The following KCNAB3 variants were observed in gnomAD, a reference collection of about 807,000 sequenced individuals.
KCNAB3 encodes the protein voltage-gated potassium channel subunit beta-3.
In KCNAB3, 62 loss-of-function variants were observed where a neutral mutation model predicts 67.7. The observed-to-expected ratio is 0.92, with a 90% CI of 0.75 to 1.13. The LOEUF is 1.13. KCNAB3 is among the 50% of genes most tolerant of loss of function. The probability of loss-of-function intolerance (pLI) is 0.00; values close to 1 mark genes in which losing one functional copy is unlikely to be tolerated. For synonymous variants in KCNAB3, 212 were observed against 205.4 expected, an observed-to-expected ratio of 1.03 and a Z score of -0.27; for missense variants, 514 against 522.9, an observed-to-expected ratio of 0.98 and a Z score of 0.17.
At chr17:7,923,249 T>C in intron 13 of KCNAB3, 70 bp from the exon 14 acceptor site, 1 of 1,486,204 alleles carries the variant, frequency 6.7e-7, no homozygotes, top group Admixed American at 1.7e-5. Flanking sequence ...GGGGTTCCAG[T>C]AGCCGGGGAA....
At chr17:7,924,640 CT>C (rs1374428625) in intron 8 of KCNAB3, 140 bp from the exon 9 acceptor site, 2 of 1,401,596 alleles carry the variant, frequency 1.4e-6, no homozygotes, top group African/African-American at 2.9e-5. Flanking sequence ...CTTTGCCTCT[CT>C]TCCTGTCCAC....
rs1176225721 is a variant in KCNAB3, at chr17:7,929,795, T to G, written c.-360A>C. ...AAGCGGGGCGGGAGAGAGATGCCAC[T>G]TCAGCGCGAACCGCTGCGGGACCCG... On this transcript the variant is annotated 5_prime_UTR_variant, in exon 1 of 14. Transcript: ENST00000303790. This position sits in a 1 kb window ranked among gnomAD's most constrained non-coding sequence, Gnocchi z 5.7. 2.7e-6 allele frequency: 3 copies of G among 1,127,578 alleles called. No individual in the cohort carries two copies. Among genetic ancestry groups the G allele is most frequent in the Non-Finnish European group, 2.2e-6 (2 of 915,568 alleles). 69.8% of individuals were successfully genotyped at this position (1,127,578 alleles called of 1,614,324 possible). A position where few individuals can be genotyped will look rare whatever the true frequency, so the allele number is the denominator to read the frequency against.
Position 7,925,985 on chromosome 17 carries a change from T to C in KCNAB3, c.450-10A>G, listed in dbSNP as rs758177311. On this transcript the variant is annotated splice_polypyrimidine_tract_variant and intron_variant, in intron 5 of 13. Coordinates refer to ENST00000303790, the MANE Select transcript of KCNAB3 (RefSeq NM_004732.4). ...GACATAGCTTGATCTCCTGGAAGAA[T>C]AGAAATGGGAGAACCAGTAAGAAAA... The C allele has an allele frequency of 1.2e-5, 20 of 1,613,294 alleles. No individual in the cohort carries two copies. Among genetic ancestry groups the C allele is most frequent in the East Asian group, 4.5e-5 (2 of 44,846 alleles).
intron 1 of KCNAB3, chr17:7,928,074 C>T (rs1972295648): frequency 3.4e-6 from 2 of 595,558 alleles, no homozygotes; most frequent in African/African-American, 3.7e-5. Flanking sequence ...TCTCCATTCC[C>T]TCTTATCACA....
intron 8 of KCNAB3, 82 bp downstream of exon 8, chr17:7,925,015 G>C: frequency 1.5e-6 from 2 of 1,311,674 alleles, no homozygotes; most frequent in Non-Finnish European, 2.2e-6. Context: ...CAACGTCCTG[G>C]GATTACAGGA....
At chr17:7,928,792 C>T (rs1972323647) in intron 1 of KCNAB3, among the ~76,000 whole-genome samples, 1 of 152,196 alleles carries the variant, frequency 6.6e-6, no homozygotes, top group African/African-American at 2.4e-5. Context: ...GTATCTGGGT[C>T]AGGCACCCCG....
At position 7,923,086 on chromosome 17, in the gene KCNAB3, C is replaced by T. The variant is rs368731652; in HGVS notation, c.*16G>A. 35 of 1,613,662 alleles carry T rather than the reference C, an allele frequency of 2.2e-5. No homozygotes were observed. The highest frequency in any genetic ancestry group is 2.7e-5 in the Non-Finnish European group (32 of 1,179,684). ...GGTGCAGCGACACCGGGTTGGGTCCCTGCGCCCGCGACAGACTACTTCTTG... is the reference window on the plus strand; with the variant it reads ...GGTGCAGCGACACCGGGTTGGGTCCTTGCGCCCGCGACAGACTACTTCTTG... On this transcript the variant is annotated 3_prime_UTR_variant, in exon 14 of 14. Coordinates refer to ENST00000303790, the MANE Select transcript of KCNAB3 (RefSeq NM_004732.4).
Position 7,926,126 on chromosome 17 carries a change from C to A in KCNAB3, c.405-23G>T, listed in dbSNP as rs200711349. The A allele has an allele frequency of 4.2e-5, 67 of 1,613,988 alleles. No homozygotes were observed. In the Admixed American group the frequency reaches 1.1e-3, roughly 27 times the overall value. On this transcript the variant is annotated intron_variant, in intron 4 of 13. Coordinates refer to ENST00000303790, the MANE Select transcript of KCNAB3 (RefSeq NM_004732.4). ...GCCCTAAAAGAAACATAAGGCAGAG[C>A]CACTGATCCCTTCTAGGCCAATCAA...
rs375287703 is a variant in KCNAB3, at chr17:7,929,253, G to C, written c.183C>G (p.Pro61=). The C allele has an allele frequency of 6.2e-5, 99 of 1,608,440 alleles. No homozygotes were observed. The highest frequency in any genetic ancestry group is 8.0e-5 in the Non-Finnish European group (94 of 1,178,186). The change falls in exon 1 of 14, where the codon CCC becomes CCG. Residue 61 remains proline (P), a synonymous_variant. Transcript: ENST00000303790. The surrounding 1 kb of genome is among the most constrained non-coding windows in gnomAD (Gnocchi z 5.7). ...CTCGGAGGGCCCCAGCGGGCGCTGGGGGTCGGGGAACCAGTGCAGCTCGGG... is the reference window on the plus strand; with the variant it reads ...CTCGGAGGGCCCCAGCGGGCGCTGGCGGTCGGGGAACCAGTGCAGCTCGGG... ...PKARAALVPR[P]PAPAGALRES... is the part of the protein sequence containing the mutation.
At position 7,925,963 on chromosome 17, in the gene KCNAB3, A is replaced by G. The variant is rs1972215823; in HGVS notation, c.462T>C (p.Tyr154=). 6.2e-7 allele frequency: 1 copy of G among 1,613,922 alleles called. No homozygotes were observed. Among genetic ancestry groups the G allele is most frequent in the Non-Finnish European group, 8.5e-7 (1 of 1,180,024 alleles). ...CCCAAAAAATCTTGGTAGTGATGAC[A>G]TAGCTTGATCTCCTGGAAGAATAGA... is the stretch of plus-strand genomic sequence containing the variant. ...LKSKGWRRSS[Y]VITTKIFWGG... is the part of the protein sequence containing the mutation. Residue 154 remains tyrosine, a synonymous_variant, in exon 6 of 14, where the codon TAT becomes TAC. Transcript: ENST00000303790.
In KCNAB3 at chr17:7,924,583, C is replaced by T. The variant is rs919841599; in HGVS notation, c.626-83G>A. 9.5e-5 allele frequency: 143 copies of T among 1,501,846 alleles called. No individual in the cohort carries two copies. The African/African-American group carries it at 1.4e-3, about 15-fold the overall frequency. The allele number at this position is 1,501,846 out of a possible 1,614,324, so 93.0% of individuals were successfully genotyped here. On this transcript the variant is annotated intron_variant, in intron 8 of 13. Coordinates refer to ENST00000303790, the MANE Select transcript of KCNAB3 (RefSeq NM_004732.4). The stretch of plus-strand genomic sequence containing the variant: ...GATTTGCAGACCTCCACCTGCCCCA[C>T]CAAGGCCCCAGGCAACTCTATGGAG...
intron 1 of KCNAB3, among the ~76,000 whole-genome samples, chr17:7,928,851 C>T (rs1311952006): frequency 6.6e-6 from 1 of 152,128 alleles, no homozygotes; most frequent in South Asian, 2.1e-4. Context: ...CCCCAGGACA[C>T]GGACCCAAGG....
chr17:7,925,930 C>T lies in KCNAB3; in HGVS notation c.494+1G>A, dbSNP rs376686727. The T allele has an allele frequency of 7.0e-6, 11 of 1,580,424 alleles. No homozygotes were observed. In the African/African-American group the frequency reaches 1.5e-4, roughly 22 times the overall value. On this transcript the variant is annotated splice_donor_variant, in intron 6 of 13. Coordinates refer to ENST00000303790, the MANE Select transcript of KCNAB3 (RefSeq NM_004732.4). LOFTEE classifies it high-confidence loss of function. The stretch of plus-strand genomic sequence containing the variant: ...ACAATCGCAGTGGGGCAGCCACTTA[C>T]TGTCCTCCCCAAAAAATCTTGGTAG...
rs1380631976 is a variant in KCNAB3, at chr17:7,924,407, ACACT to A, written c.711+4_711+7del. ...TGGGACAGGGGCAAGGTGGGGTCAC[ACACT>A]CACCATGATTTCTGCAGCCCCCCAT... On this transcript the variant is annotated splice_donor_5th_base_variant and intron_variant, in intron 9 of 13. Coordinates refer to ENST00000303790, the MANE Select transcript of KCNAB3 (RefSeq NM_004732.4). 6.2e-6 allele frequency: 10 copies of A among 1,612,942 alleles called. No homozygotes were observed. The highest frequency in any genetic ancestry group is 1.3e-5 in the African/African-American group (1 of 74,938).
chr17:7,929,144 G>T lies in KCNAB3; in HGVS notation c.242+50C>A, dbSNP rs1380219626. ...TGGCGGCCATCTCAAGCAGTCTCAG[G>T]GGTCCCGAAAGGAAAGCGGAAGGGG... is the stretch of plus-strand genomic sequence containing the variant. On this transcript the variant is annotated intron_variant, in intron 1 of 13. Transcript: ENST00000303790. This position sits in a 1 kb window ranked among gnomAD's most constrained non-coding sequence, Gnocchi z 5.7. 1 of 1,602,648 alleles carries T rather than the reference G, an allele frequency of 6.2e-7. No individual in the cohort carries two copies. The highest frequency in any genetic ancestry group is 8.5e-7 in the Non-Finnish European group (1 of 1,176,072).
chr17:7,923,915 C>A (rs1972135121), intron 11 of KCNAB3, 53 bp downstream of exon 11: 2 of 1,574,606 alleles, frequency 1.3e-6, no homozygotes, highest in East Asian at 2.3e-5. Flanking sequence ...CGTAACTCCC[C>A]CCAAAGCAGC....
Position 7,929,551 on chromosome 17 carries a change from T to C in KCNAB3, c.-116A>G. On this transcript the variant is annotated 5_prime_UTR_variant, in exon 1 of 14. Coordinates refer to ENST00000303790, the MANE Select transcript of KCNAB3 (RefSeq NM_004732.4). The surrounding 1 kb of genome is among the most constrained non-coding windows in gnomAD (Gnocchi z 5.7). The stretch of plus-strand genomic sequence containing the variant: ...GCGAACCCCGGCAGAGCGGGAAGGC[T>C]GAGGAGGCTGCGGCGGGAGCCGCCA... 1 of 1,483,644 alleles carries C rather than the reference T, an allele frequency of 6.7e-7. No individual in the cohort carries two copies. The highest frequency in any genetic ancestry group is 8.9e-7 in the Non-Finnish European group (1 of 1,123,506). 91.9% of individuals were successfully genotyped at this position (1,483,644 alleles called of 1,614,324 possible). A position where few individuals can be genotyped will look rare whatever the true frequency, so the allele number is the denominator to read the frequency against.
chr17:7,929,644 T>TG lies in KCNAB3; in HGVS notation c.-210dup, dbSNP rs775745289. 2.2e-6 allele frequency: 3 copies of TG among 1,341,296 alleles called. No individual in the cohort carries two copies. The highest frequency in any genetic ancestry group is 2.8e-6 in the Non-Finnish European group (3 of 1,053,118). The allele number at this position is 1,341,296 out of a possible 1,614,324, so 83.1% of individuals were successfully genotyped here. A position where few individuals can be genotyped will look rare whatever the true frequency, so the allele number is the denominator to read the frequency against. On this transcript the variant is annotated 5_prime_UTR_variant, in exon 1 of 14. Coordinates refer to ENST00000303790, the MANE Select transcript of KCNAB3 (RefSeq NM_004732.4). The surrounding 1 kb of genome is among the most constrained non-coding windows in gnomAD (Gnocchi z 5.7). ...GGTTTGCGGCGGGAGGGAAGAAACG[T>TG]GGGGGGCGCCAGGAGTGGAGATATT...
rs1443028829 is a variant in KCNAB3, at chr17:7,922,832, G to C, written c.*270C>G. 9.4e-6 allele frequency: 5 copies of C among 530,480 alleles called. No individual in the cohort carries two copies. Among genetic ancestry groups the C allele is most frequent in the Non-Finnish European group, 1.7e-5 (5 of 292,440 alleles). 32.9% of individuals were successfully genotyped at this position (530,480 alleles called of 1,614,324 possible). A position where few individuals can be genotyped will look rare whatever the true frequency, so the allele number is the denominator to read the frequency against. On this transcript the variant is annotated 3_prime_UTR_variant, in exon 14 of 14. Transcript: ENST00000303790. The stretch of plus-strand genomic sequence containing the variant: ...GAGCGAGACGAAGTGGCAGAGAGCC[G>C]ACGGCGAGTAGCTCATGCCCGGGAT...
Sources: gnomAD v4.1 joint callset for allele counts (sites outside exome capture counted in the v4.1 genomes callset) on GRCh38, gnomAD v4.1.1 for gene constraint, Gnocchi (gnomAD v3.1) non-coding constraint, MANE v1.5 for transcripts, NCBI Gene and HGNC (gene_info 2026-07-23, HGNC 2026-07-21) for gene names.